ICA1: variants seen among roughly 807,000 people sequenced by gnomAD.
ICA1 encodes islet cell autoantigen 1.
Under a neutral mutation model 71.0 loss-of-function variants are expected in ICA1, and 40 were observed. The ratio of observed to expected loss-of-function variants is 0.56; its 90% CI spans 0.44 to 0.73. The LOEUF (loss-of-function observed/expected upper bound fraction) is 0.73. Among genes scored for constraint, ICA1 ranks in the 30% least tolerant of loss-of-function variants. ICA1 has a pLI of 0.00. For missense variants in ICA1, 578 were observed against 576.5 expected (o/e 1.00, Z -0.03); for synonymous variants, 207 against 209.5 (o/e 0.99, Z 0.10).
chr7:8,177,430 G>A (rs1219629125), intron 6 of ICA1, among the ~76,000 whole-genome samples: 1 of 152,040 alleles, frequency 6.6e-6, no homozygotes, highest in Non-Finnish European at 1.5e-5. Flanking sequence ...GGAAGCATTA[G>A]GTCACAAGAC....
rs1049183392 is a variant in ICA1, at chr7:8,174,838, C to A, written c.580-16186G>T. On this transcript the variant is annotated intron_variant, in intron 6 of 13. Transcript: ENST00000402384. ...TTTAATGCGGGAAACACAAACACGT[C>A]CACTCTTGGCAGCATCATTCTACCA... 5.3e-5 allele frequency among the ~76,000 whole-genome samples: 8 copies of A among 151,204 alleles called. No individual in the cohort carries two copies. In the East Asian group the frequency reaches 9.7e-4, roughly 18 times the overall value.
intron 1 of ICA1, among the ~76,000 whole-genome samples, chr7:8,240,126 A>G (rs1443034243): frequency 6.6e-6 from 1 of 152,216 alleles, no homozygotes; most frequent in Non-Finnish European, 1.5e-5. Context: ...CCTAACTGGG[A>G]GACACCTCCC....
At chr7:8,220,948 G>A (rs575193078) in intron 5 of ICA1, among the ~76,000 whole-genome samples, 1 of 152,006 alleles carries the variant, frequency 6.6e-6, no homozygotes, top group East Asian at 1.9e-4. Context: ...TGCTGGAAGG[G>A]GACCAGACTG....
chr7:8,234,085 C>T lies in ICA1; in HGVS notation c.18-1330G>A, dbSNP rs1464745909. Reference sequence around the variant, plus strand: ...AAATAATTAGTCAGGTGTGGTGGCACAGGCCTATGACACAAAGCTACTCAG... The same window carrying T: ...AAATAATTAGTCAGGTGTGGTGGCATAGGCCTATGACACAAAGCTACTCAG... On this transcript the variant is annotated intron_variant, in intron 2 of 13. Transcript: ENST00000402384. This position sits in a 1 kb window ranked among gnomAD's most constrained non-coding sequence, Gnocchi z 4.5. 1.3e-5 allele frequency among the ~76,000 whole-genome samples: 2 copies of T among 152,120 alleles called. No homozygotes were observed. The highest frequency in any genetic ancestry group is 1.9e-4 in the East Asian group (1 of 5,188).
rs1194225752 is a variant in ICA1, at chr7:8,144,025, G to T, written c.805-53C>A. 1 of 1,029,000 alleles carries T rather than the reference G, an allele frequency of 9.7e-7. No individual in the cohort carries two copies. The highest frequency in any genetic ancestry group is 1.5e-6 in the Non-Finnish European group (1 of 688,116). The allele number at this position is 1,029,000 out of a possible 1,614,324, so 63.7% of individuals were successfully genotyped here. On this transcript the variant is annotated intron_variant, in intron 8 of 13. Transcript: ENST00000402384. This position sits in a 1 kb window ranked among gnomAD's most constrained non-coding sequence, Gnocchi z 4.5. Reference sequence around the variant, plus strand: ...AAAGAAAAAAAAAGAAGAAGAAATAGAGACAAAAAAAAGAAAAGAAAGGTT... The same window carrying T: ...AAAGAAAAAAAAAGAAGAAGAAATATAGACAAAAAAAAGAAAAGAAAGGTT...
intron 13 of ICA1, among the ~76,000 whole-genome samples, chr7:8,124,302 G>T (rs543778524): frequency 1.3e-4 from 19 of 150,088 alleles, no homozygotes; most frequent in Non-Finnish European, 4.4e-5. Context: ...TGTATTTTTA[G>T]TAGAGCCGGG....
At chr7:8,188,366 A>C (rs985611915) in intron 6 of ICA1, among the ~76,000 whole-genome samples, 3 of 152,116 alleles carry the variant, frequency 2.0e-5, no homozygotes, top group Non-Finnish European at 4.4e-5. Context: ...ACACAGAGCT[A>C]CCAAAATTAA....
Position 8,255,779 on chromosome 7 carries a change from C to CT in ICA1, c.-80+6314dup, listed in dbSNP as rs573673718. Among the ~76,000 whole-genome samples, 1,029 of 132,854 alleles carry CT rather than the reference C, an allele frequency of 7.7e-3. 16 individuals are homozygous for CT. Among genetic ancestry groups the CT allele is most frequent in the South Asian group, 0.013 (56 of 4,336 alleles). The allele number at this position is 132,854 out of a possible 152,430, so 87.2% of individuals were successfully genotyped here. On this transcript the variant is annotated intron_variant, in intron 1 of 13. Coordinates refer to ENST00000402384, the MANE Select transcript of ICA1 (RefSeq NM_001136020.3). Reference sequence around the variant, plus strand: ...TAAGTTGAAAACCTCACTTCTTTCTCTTTTTTTTTTTTTTTGGCAGGGTCT... The same window carrying CT: ...TAAGTTGAAAACCTCACTTCTTTCTCTTTTTTTTTTTTTTTTGGCAGGGTCT...
intron 9 of ICA1, among the ~76,000 whole-genome samples, chr7:8,142,994 C>G (rs1291209204): frequency 6.6e-6 from 1 of 152,216 alleles, no homozygotes; most frequent in Admixed American, 6.5e-5. Flanking sequence ...AAAAATATAT[C>G]TGAAAGTCGA....
intron 1 of ICA1, among the ~76,000 whole-genome samples, chr7:8,244,741 G>A (rs1158451957): frequency 6.6e-6 from 1 of 152,126 alleles, no homozygotes; most frequent in African/African-American, 2.4e-5. Flanking sequence ...ATCAAAAAGT[G>A]GGCAAAGGAT....
At chr7:8,257,893 C>T (rs1274972741) in intron 1 of ICA1, among the ~76,000 whole-genome samples, 2 of 152,150 alleles carry the variant, frequency 1.3e-5, no homozygotes, top group East Asian at 3.9e-4. Flanking sequence ...GCTCCAGACA[C>T]GAGGACTATT....
Position 8,216,525 on chromosome 7 carries a change from G to A in ICA1, c.579+1780C>T, listed in dbSNP as rs149136198. Among the ~76,000 whole-genome samples the A allele has an allele frequency of 4.0e-3, 586 of 147,146 alleles. 4 individuals carry two copies. The highest frequency in any genetic ancestry group is 0.011 in the African/African-American group (435 of 39,358). ...TGTTTCAACACTCAAACCAAATGACGAACGGGCTTGGTTTTTATTTCGTCC... is the reference window on the plus strand; with the variant it reads ...TGTTTCAACACTCAAACCAAATGACAAACGGGCTTGGTTTTTATTTCGTCC... On this transcript the variant is annotated intron_variant, in intron 6 of 13. Transcript: ENST00000402384.
chr7:8,221,434 T>A (rs1583417168), intron 4 of ICA1, 36 bp from the exon 5 acceptor site: 1 of 1,609,666 alleles, frequency 6.2e-7, no homozygotes, highest in Non-Finnish European at 8.5e-7. Context: ...CCATGAACAA[T>A]GAGCATTTTG....
chr7:8,135,412 T>TA (rs1003061479), intron 12 of ICA1, among the ~76,000 whole-genome samples: 171 of 147,506 alleles, frequency 1.2e-3, no homozygotes, highest in East Asian at 1.8e-3. Context: ...AGTATTTGGT[T>TA]AAAAAAAAAA....
intron 12 of ICA1, among the ~76,000 whole-genome samples, chr7:8,135,917 T>C (rs1353829832): frequency 1.3e-5 from 2 of 152,174 alleles, no homozygotes; most frequent in Non-Finnish European, 2.9e-5. Flanking sequence ...CTGCTATTCA[T>C]TTTTCTTGGC....
At chr7:8,203,673 AGAGT>A (rs1790503633) in intron 6 of ICA1, among the ~76,000 whole-genome samples, 1 of 152,194 alleles carries the variant, frequency 6.6e-6, no homozygotes, top group African/African-American at 2.4e-5. Context: ...GCCCTAATTC[AGAGT>A]GAGTTGAGAT....
intron 1 of ICA1, among the ~76,000 whole-genome samples, chr7:8,240,047 G>T (rs1254091672): frequency 1.3e-5 from 2 of 152,176 alleles, no homozygotes; most frequent in Non-Finnish European, 2.9e-5. Flanking sequence ...GAGAGCAGTG[G>T]TTCTCCCAGC....
intron 9 of ICA1, among the ~76,000 whole-genome samples, chr7:8,143,458 T>C (rs1795885346): frequency 6.6e-6 from 1 of 152,304 alleles, no homozygotes. Flanking sequence ...GGCAATTTCA[T>C]AGGTAAGCTC....
intron 4 of ICA1, among the ~76,000 whole-genome samples, chr7:8,221,893 G>T (rs1052672085): frequency 6.6e-6 from 1 of 152,142 alleles, no homozygotes; most frequent in Non-Finnish European, 1.5e-5. Flanking sequence ...GTTGGAAGTG[G>T]GGGTAGGGAC....
Sources: gnomAD v4.1 joint callset for allele counts (sites outside exome capture counted in the v4.1 genomes callset) on GRCh38, gnomAD v4.1.1 for gene constraint, Gnocchi (gnomAD v3.1) non-coding constraint, MANE v1.5 for transcripts, NCBI Gene and HGNC (gene_info 2026-07-23, HGNC 2026-07-21) for gene names.